NECTIN1: variants seen among roughly 807,000 people sequenced by gnomAD.
The protein encoded by NECTIN1 is nectin-1.
A neutral mutation model predicts 48.0 loss-of-function variants in NECTIN1; 23 were observed. The observed-to-expected ratio is 0.48, with a 90% CI of 0.34 to 0.68. The LOEUF (loss-of-function observed/expected upper bound fraction) is 0.68. Among genes scored for constraint, NECTIN1 ranks in the 30% least tolerant of loss-of-function variants. The pLI is 0.01. For synonymous variants in NECTIN1, 270 were observed against 288.9 expected (o/e 0.93, Z 0.66); for missense variants, 591 against 709.9 (o/e 0.83, Z 1.90).
chr11:119,648,265 G>C (rs1864427338), intron 5 of NECTIN1, among the ~76,000 whole-genome samples: 2 of 28,710 alleles, frequency 7.0e-5, no homozygotes, highest in African/African-American at 2.1e-4. Context: ...GGTGGTAATA[G>C]TGGTGGTGGT....
rs540865488 is a variant in NECTIN1, at chr11:119,649,254, G to A, written c.1004-9242C>T. 1.8e-4 allele frequency among the ~76,000 whole-genome samples: 28 copies of A among 152,144 alleles called. 1 individual carries two copies. The South Asian group carries it at 5.2e-3, about 28-fold the overall frequency. On this transcript the variant is annotated intron_variant, in intron 5 of 7. Transcript: ENST00000341398. ...AAATTAGCTGGGCATGGTGGCGTGC[G>A]CCTGTCGTCCCAGCTACTTGGGATG...
rs1280779000 is a variant in NECTIN1 at position 119,728,656 on chromosome 11, C to T, written c.-103G>A. ...GAAGATCGCTGGCGGTCGGCGGGCGCTCGAAGGATCCAGGTCAGCTGCAGC... is the reference window on the plus strand; with the variant it reads ...GAAGATCGCTGGCGGTCGGCGGGCGTTCGAAGGATCCAGGTCAGCTGCAGC... On this transcript the variant is annotated 5_prime_UTR_variant, in exon 1 of 6. Transcript: ENST00000264025. 2 of 391,476 alleles carry T rather than the reference C, an allele frequency of 5.1e-6. No individual in the cohort carries two copies. Among genetic ancestry groups the T allele is most frequent in the African/African-American group, 4.4e-5 (2 of 45,386 alleles). 24.3% of individuals were successfully genotyped at this position (391,476 alleles called of 1,614,324 possible).
intron 1 of NECTIN1, among the ~76,000 whole-genome samples, chr11:119,720,920 G>A (rs1414046336): frequency 1.3e-5 from 2 of 152,138 alleles, no homozygotes; most frequent in African/African-American, 2.4e-5. Flanking sequence ...CTGGCTCTCC[G>A]TAGTGGCTGG....
rs148473103 is a variant in NECTIN1, at chr11:119,707,414, T to C, written c.79+21061A>G. Among the ~76,000 whole-genome samples, 9 of 152,238 alleles carry C rather than the reference T, an allele frequency of 5.9e-5. No homozygotes were observed. The East Asian group carries it at 1.2e-3, about 20-fold the overall frequency. On this transcript the variant is annotated intron_variant, in intron 1 of 5. Transcript: ENST00000264025. ...TAAAGGTCACCTCCACCTTCTCTTT[T>C]ATGGCCGTTCCCCATTCCCCTCCCA...
At position 119,677,830 on chromosome 11, in the gene NECTIN1, G is replaced by T. The variant is rs1266843377; in HGVS notation, c.458C>A (p.Thr153Asn). ...MAKPTNWIEGTQAVLRAKKGQ... is the reference protein window; with the variant it reads ...MAKPTNWIEGNQAVLRAKKGQ... ...CTTCTTGGCTCGAAGCACTGCCTGG[G>T]TACCCTCTATCCAATTGGTGGGTTT... The change falls in exon 3 of 6, where the codon ACC becomes AAC. Residue 153 changes from threonine (T) to asparagine (N), a missense_variant. Coordinates refer to ENST00000264025, the MANE Select transcript of NECTIN1 (RefSeq NM_002855.5). This position sits in a 1 kb window ranked among gnomAD's most constrained non-coding sequence, Gnocchi z 5.4. 1 of 1,614,134 alleles carries T rather than the reference G, an allele frequency of 6.2e-7. No individual in the cohort carries two copies. Among genetic ancestry groups the T allele is most frequent in the Non-Finnish European group, 8.5e-7 (1 of 1,180,028 alleles).
At position 119,665,046 on chromosome 11, in the gene NECTIN1, G is replaced by T; in HGVS notation, c.1255C>A (p.Pro419Thr). Residue 419 changes from proline (P) to threonine (T), a missense_variant, in exon 6 of 6, where the codon CCC becomes ACC. By Grantham distance (38) the Pro-to-Thr change is conservative. Coordinates refer to ENST00000264025, the MANE Select transcript of NECTIN1 (RefSeq NM_002855.5). The surrounding 1 kb of genome is among the most constrained non-coding windows in gnomAD (Gnocchi z 5.1). Reference protein sequence around the residue: ...HPPMAQNLQYPDDSDDEKKAG... With the variant: ...HPPMAQNLQYTDDSDDEKKAG... ...TTCTTCTCGTCGTCTGAGTCGTCGG[G>T]GTACTGCAGGTTCTGTGCCATTGGT... The T allele has an allele frequency of 6.2e-7, 1 of 1,613,906 alleles. No homozygotes were observed. The highest frequency in any genetic ancestry group is 8.5e-7 in the Non-Finnish European group (1 of 1,179,932).
In NECTIN1 at chr11:119,727,054, G is replaced by A. The variant is rs1378746537; in HGVS notation, c.79+1421C>T. On this transcript the variant is annotated intron_variant, in intron 1 of 5. Coordinates refer to ENST00000264025, the MANE Select transcript of NECTIN1 (RefSeq NM_002855.5). The surrounding 1 kb of genome is among the most constrained non-coding windows in gnomAD (Gnocchi z 4.1). ...AGCAGGGCAGCACCCCAGGCTTCAC[G>A]GGTGGAGGCACCCCAGTACTGGCTT... Among the ~76,000 whole-genome samples, 1 of 152,098 alleles carries A rather than the reference G, an allele frequency of 6.6e-6. No individual in the cohort carries two copies. The highest frequency in any genetic ancestry group is 1.5e-5 in the Non-Finnish European group (1 of 68,008).
intron 4 of NECTIN1, among the ~76,000 whole-genome samples, chr11:119,676,039 T>C (rs376072179): frequency 4.0e-4 from 61 of 151,946 alleles, no homozygotes; most frequent in African/African-American, 1.4e-3. Context: ...TACAGATGCC[T>C]TGGTTCTAAC....
chr11:119,646,184 A>C (rs1382038487), intron 5 of NECTIN1, among the ~76,000 whole-genome samples: 1 of 152,130 alleles, frequency 6.6e-6, no homozygotes, highest in Non-Finnish European at 1.5e-5. Context: ...TCTGGTTCTG[A>C]ACTCAGGTGG....
chr11:119,701,389 T>C (rs1469192334), intron 1 of NECTIN1, among the ~76,000 whole-genome samples: 1 of 152,146 alleles, frequency 6.6e-6, no homozygotes, highest in African/African-American at 2.4e-5. Flanking sequence ...CTGACTCTGT[T>C]TCATTGAAGT....
At chr11:119,660,948 GCC>G, downstream of NECTIN1, 2 of 921,224 alleles carry the variant, frequency 2.2e-6, no homozygotes, top group Non-Finnish European at 2.6e-6. Flanking sequence ...CGCCTTCCCC[GCC>G]CCCACTGCCA....
At chr11:119,700,261 A>T (rs2135570086) in intron 1 of NECTIN1, among the ~76,000 whole-genome samples, 1 of 152,268 alleles carries the variant, frequency 6.6e-6, no homozygotes, top group South Asian at 2.1e-4. Context: ...CCTCCCCTGG[A>T]AGGTTGCCCG....
intron 1 of NECTIN1, among the ~76,000 whole-genome samples, chr11:119,712,721 C>T (rs1865675360): frequency 6.6e-6 from 1 of 152,208 alleles, no homozygotes; most frequent in Non-Finnish European, 1.5e-5. Context: ...AACAGCCTGA[C>T]CTTTAACGGA....
chr11:119,677,438 G>T lies in NECTIN1; in HGVS notation c.733+117C>A, dbSNP rs2135551363. 8.2e-7 allele frequency: 1 copy of T among 1,215,718 alleles called. No homozygotes were observed. The highest frequency in any genetic ancestry group is 1.2e-6 in the Non-Finnish European group (1 of 831,636). 75.3% of individuals were successfully genotyped at this position (1,215,718 alleles called of 1,614,324 possible). ...ACGAGCAAAGGGAGGAGATAGGGGA[G>T]ACAGGAGGGGAGAAGAAAGCACCCC... On this transcript the variant is annotated intron_variant, in intron 3 of 5. Transcript: ENST00000264025. The surrounding 1 kb of genome is among the most constrained non-coding windows in gnomAD (Gnocchi z 5.4).
chr11:119,653,010 C>A (rs2135533309), intron 5 of NECTIN1, among the ~76,000 whole-genome samples: 1 of 152,174 alleles, frequency 6.6e-6, no homozygotes, highest in African/African-American at 2.4e-5. Flanking sequence ...GAAAGAGCTG[C>A]AAAAATAGTA....
At position 119,661,946 on chromosome 11, in the gene NECTIN1, T is replaced by C; in HGVS notation, c.*2801A>G. 1.0e-6 allele frequency: 1 copy of C among 985,396 alleles called. No homozygotes were observed. Among genetic ancestry groups the C allele is most frequent in the Non-Finnish European group, 1.2e-6 (1 of 829,932 alleles). 61.0% of individuals were successfully genotyped at this position (985,396 alleles called of 1,614,324 possible). ...GGTGGTCGCACTTGCAGGCCTGTGTTCACCTACTCTGTGCTGCTGCTTTTC... is the reference window on the plus strand; with the variant it reads ...GGTGGTCGCACTTGCAGGCCTGTGTCCACCTACTCTGTGCTGCTGCTTTTC... On this transcript the variant is annotated 3_prime_UTR_variant, in exon 6 of 6. Transcript: ENST00000264025.
intron 1 of NECTIN1, among the ~76,000 whole-genome samples, chr11:119,725,443 T>C (rs901711342): frequency 5.3e-5 from 8 of 152,190 alleles, no homozygotes; most frequent in Non-Finnish European, 8.8e-5. Context: ...GTATCTCCTC[T>C]TCCCCTCCAG....
Position 119,662,872 on chromosome 11 carries a change from C to T in NECTIN1, c.*1875G>A, listed in dbSNP as rs1591447345. 2.0e-6 allele frequency: 2 copies of T among 986,138 alleles called. No homozygotes were observed. The highest frequency in any genetic ancestry group is 2.4e-6 in the Non-Finnish European group (2 of 830,188). The allele number at this position is 986,138 out of a possible 1,614,324, so 61.1% of individuals were successfully genotyped here. On this transcript the variant is annotated 3_prime_UTR_variant, in exon 6 of 6. Transcript: ENST00000264025. The surrounding 1 kb of genome is among the most constrained non-coding windows in gnomAD (Gnocchi z 5.3). The stretch of plus-strand genomic sequence containing the variant: ...GAGGGGAGAGCCGCACCAGGGCTGG[C>T]ATGGCTTCAGACTTCTGCTACGTGG...
chr11:119,669,224 C>T (rs1864825538), intron 5 of NECTIN1, among the ~76,000 whole-genome samples: 1 of 152,160 alleles, frequency 6.6e-6, no homozygotes, highest in Non-Finnish European at 1.5e-5. Flanking sequence ...CCAGCCTGAC[C>T]AACATGGTGA....
Sources: allele counts gnomAD v4.1 joint callset (sites outside exome capture counted in the v4.1 genomes callset), GRCh38; gene constraint gnomAD v4.1.1; non-coding constraint Gnocchi (gnomAD v3.1); transcripts MANE v1.5; gene names NCBI Gene and HGNC (gene_info 2026-07-23, HGNC 2026-07-21).